Variants in CLSTN2 observed in about 807,000 individuals in gnomAD.
The protein encoded by CLSTN2 is calsyntenin-2.
A neutral mutation model predicts 101.2 loss-of-function variants in CLSTN2; 48 were observed. That is an observed-to-expected ratio of 0.47 (90% CI 0.38 to 0.60). CLSTN2 has a LOEUF of 0.60. CLSTN2 is among the 20% of genes least tolerant of loss of function. CLSTN2 has a pLI of 0.00. For synonymous variants in CLSTN2, 481 were observed against 463.6 expected, an observed-to-expected ratio of 1.04 and a Z score of -0.48; for missense variants, 1,160 against 1,238.2, an observed-to-expected ratio of 0.94 and a Z score of 0.95.
chr3:140,341,746 G>A (rs969219903), intron 2 of CLSTN2, among the ~76,000 whole-genome samples: 3 of 152,166 alleles, frequency 2.0e-5, no homozygotes, highest in South Asian at 2.1e-4. Flanking sequence ...GTTAGTCTGC[G>A]ATACATTGAA....
intron 5 of CLSTN2, among the ~76,000 whole-genome samples, chr3:140,432,667 T>C (rs1206637014): frequency 2.5e-4 from 38 of 152,178 alleles, no homozygotes; most frequent in Admixed American, 2.5e-3. Flanking sequence ...AATGGTATCT[T>C]AATGTGCTTA....
chr3:140,045,420 T>C (rs145999012), intron 1 of CLSTN2, among the ~76,000 whole-genome samples: 7,679 of 152,200 alleles, frequency 0.05, 645 homozygotes, highest in African/African-American at 0.17. Context: ...TCTCTTTTCT[T>C]TTTTATTAGT....
At chr3:139,956,852 A>G (rs1308745079) in intron 1 of CLSTN2, among the ~76,000 whole-genome samples, 3 of 152,096 alleles carry the variant, frequency 2.0e-5, no homozygotes, top group Non-Finnish European at 4.4e-5. Flanking sequence ...CACCCTCACA[A>G]ACTAATTAGA....
chr3:140,529,675 T>C (rs1234009393), intron 8 of CLSTN2, among the ~76,000 whole-genome samples: 1 of 152,160 alleles, frequency 6.6e-6, no homozygotes, highest in Non-Finnish European at 1.5e-5. Flanking sequence ...ACAGATTACT[T>C]GGTGGAAAAA....
At chr3:140,422,971 T>C (rs1206502585) in intron 5 of CLSTN2, among the ~76,000 whole-genome samples, 1 of 152,204 alleles carries the variant, frequency 6.6e-6, no homozygotes, top group East Asian at 1.9e-4. Context: ...TTAGCTCCAA[T>C]GAACGTGTGG....
chr3:140,540,961 G>A (rs1935462721), intron 9 of CLSTN2, among the ~76,000 whole-genome samples: 1 of 152,220 alleles, frequency 6.6e-6, no homozygotes, highest in South Asian at 2.1e-4. Flanking sequence ...AAATACAACT[G>A]TTTTTTAAGA....
Position 139,956,622 on chromosome 3 carries a change from A to G in CLSTN2, c.109+21139A>G, listed in dbSNP as rs186613358. Reference sequence around the variant, plus strand: ...CTCTTTTTTCCTGTTTTCAGGTGAAAAGCAATAACCATGAAGAAAACAGAA... The same window carrying G: ...CTCTTTTTTCCTGTTTTCAGGTGAAGAGCAATAACCATGAAGAAAACAGAA... On this transcript the variant is annotated intron_variant, in intron 1 of 16. Transcript: ENST00000458420. Among the ~76,000 whole-genome samples, 367 of 152,290 alleles carry G rather than the reference A, an allele frequency of 2.4e-3. 1 individual carries two copies. The highest frequency in any genetic ancestry group is 4.2e-3 in the Non-Finnish European group (286 of 68,030).
chr3:139,936,948 T>A (rs1320324694), intron 1 of CLSTN2, among the ~76,000 whole-genome samples: 3 of 152,196 alleles, frequency 2.0e-5, no homozygotes, highest in African/African-American at 4.8e-5. Context: ...TATGAAAATA[T>A]CTCAGAGTGC....
chr3:140,235,240 G>A (rs533988521), intron 2 of CLSTN2, among the ~76,000 whole-genome samples: 2 of 152,230 alleles, frequency 1.3e-5, no homozygotes, highest in African/African-American at 4.8e-5. Context: ...ACTGATTAAT[G>A]TACATTGCCT....
chr3:140,119,564 G>C (rs1229589646), intron 1 of CLSTN2, among the ~76,000 whole-genome samples: 2 of 152,188 alleles, frequency 1.3e-5, no homozygotes, highest in Non-Finnish European at 1.5e-5. Context: ...GCCCAGGCTA[G>C]AGTACAGTGG....
chr3:140,323,294 T>G (rs1302968291), intron 2 of CLSTN2, among the ~76,000 whole-genome samples: 1 of 152,222 alleles, frequency 6.6e-6, no homozygotes, highest in East Asian at 1.9e-4. Context: ...CAGCCTCTGA[T>G]GCCAGCTGGC....
intron 2 of CLSTN2, among the ~76,000 whole-genome samples, chr3:140,384,284 A>G (rs1312864351): frequency 6.6e-6 from 1 of 152,200 alleles, no homozygotes; most frequent in Non-Finnish European, 1.5e-5. Flanking sequence ...CTGATTTCCT[A>G]GCAAATAATC....
At chr3:140,414,929 A>G (rs1029187127) in intron 4 of CLSTN2, among the ~76,000 whole-genome samples, 11 of 152,034 alleles carry the variant, frequency 7.2e-5, no homozygotes, top group African/African-American at 2.4e-4. Flanking sequence ...TTCAAACTAT[A>G]AAACTATATT....
intron 1 of CLSTN2, among the ~76,000 whole-genome samples, chr3:139,965,870 G>A (rs1463968353): frequency 2.6e-5 from 4 of 152,178 alleles, no homozygotes. Context: ...ACAAACCAGT[G>A]ACCTTCTCTC....
intron 2 of CLSTN2, among the ~76,000 whole-genome samples, chr3:140,268,606 G>A (rs1457228206): frequency 1.3e-5 from 2 of 152,164 alleles, no homozygotes; most frequent in Admixed American, 1.3e-4. Context: ...TTGACAAACA[G>A]AGGTGTCATT....
At chr3:140,399,608 G>C (rs1203223382) in intron 2 of CLSTN2, among the ~76,000 whole-genome samples, 1 of 152,146 alleles carries the variant, frequency 6.6e-6, no homozygotes, top group Non-Finnish European at 1.5e-5. Context: ...TACAGAATTT[G>C]TATTTTACAG....
At chr3:140,558,138 A>G (rs890465178) in intron 11 of CLSTN2, among the ~76,000 whole-genome samples, 1 of 152,186 alleles carries the variant, frequency 6.6e-6, no homozygotes, top group African/African-American at 2.4e-5. Context: ...GCAGTGTATC[A>G]GGAGAAAGGA....
At position 140,468,710 on chromosome 3, in the gene CLSTN2, T is replaced by C. The variant is rs556306447; in HGVS notation, c.1344+1979T>C. ...CGTGGGTAGGACCTGCCCTTTCCAT[T>C]ATGCCCGGCTGCTGCTTTGGTGTGC... On this transcript the variant is annotated intron_variant, in intron 8 of 16. Coordinates refer to ENST00000458420, the MANE Select transcript of CLSTN2 (RefSeq NM_022131.3). 1.6e-3 allele frequency among the ~76,000 whole-genome samples: 240 copies of C among 152,340 alleles called. 1 individual carries two copies. Among genetic ancestry groups the C allele is most frequent in the African/African-American group, 4.8e-3 (198 of 41,588 alleles).
intron 1 of CLSTN2, among the ~76,000 whole-genome samples, chr3:140,135,113 CACACATATATATATATATAT>C (rs1288198158): frequency 5.8e-5 from 3 of 52,078 alleles, no homozygotes; most frequent in African/African-American, 3.7e-4. Flanking sequence ...CACACACACA[CACACATATATATATATATAT>C]ATATATATAT....
Sources: gnomAD v4.1 joint callset for allele counts (sites outside exome capture counted in the v4.1 genomes callset) on GRCh38, gnomAD v4.1.1 for gene constraint, MANE v1.5 for transcripts, NCBI Gene and HGNC (gene_info 2026-07-23, HGNC 2026-07-21) for gene names.